CTDP1: variants seen among roughly 807,000 people sequenced by gnomAD.
CTDP1 encodes CTD phosphatase 1.
A neutral mutation model predicts 91.8 loss-of-function variants in CTDP1; 47 were observed. That is an observed-to-expected ratio of 0.51 (90% CI 0.41 to 0.65). The LOEUF (loss-of-function observed/expected upper bound fraction) is 0.65, where lower values mean the gene tolerates loss of function less well. Ranked by LOEUF, CTDP1 falls within the 30% of genes least tolerant of loss-of-function variation. The pLI, the probability that CTDP1 is intolerant of heterozygous loss-of-function variation, is 0.00. For synonymous variants in CTDP1, 656 were observed against 598.5 expected (o/e 1.10, Z -1.40); for missense variants, 1,272 against 1,373.7 (o/e 0.93, Z 1.17).
chr18:79,742,249 G>A (rs2122832175), intron 12 of CTDP1, among the ~76,000 whole-genome samples: 1 of 149,412 alleles, frequency 6.7e-6, no homozygotes. Flanking sequence ...GTGGAGAGAG[G>A]CCTGAGGGCA....
At chr18:79,690,285 G>A (rs1428704939) in intron 1 of CTDP1, among the ~76,000 whole-genome samples, 1 of 152,180 alleles carries the variant, frequency 6.6e-6, no homozygotes, top group African/African-American at 2.4e-5. Context: ...GAGCTGAGAG[G>A]CCAGAACCCC....
chr18:79,714,434 G>A (rs1374267553), intron 7 of CTDP1, 57 bp from the exon 8 acceptor site: 12 of 1,584,200 alleles, frequency 7.6e-6, no homozygotes, highest in South Asian at 3.3e-5. Context: ...AACTTGGAAC[G>A]TTATTTAATG....
chr18:79,679,164 C>T (rs981771408), upstream of CTDP1: 1 of 320,772 alleles, frequency 3.1e-6, no homozygotes, highest in South Asian at 2.3e-5. Flanking sequence ...GGCGCCTTGC[C>T]CCAGACGGGC....
intron 1 of CTDP1, among the ~76,000 whole-genome samples, chr18:79,681,248 A>G (rs1222952774): frequency 6.6e-6 from 1 of 152,140 alleles, no homozygotes; most frequent in Non-Finnish European, 1.5e-5. Flanking sequence ...CTTCCTTTGG[A>G]GACAGAGCCT....
At chr18:79,700,476 C>A (rs138183389) in intron 4 of CTDP1, among the ~76,000 whole-genome samples, 1,808 of 152,286 alleles carry the variant, frequency 0.012, 36 homozygotes, top group African/African-American at 0.041. Context: ...CACAACATTC[C>A]CTTAAGCCAA....
chr18:79,684,668 C>G (rs1776122589), intron 1 of CTDP1, among the ~76,000 whole-genome samples: 1 of 152,116 alleles, frequency 6.6e-6, no homozygotes, highest in Non-Finnish European at 1.5e-5. Flanking sequence ...TTGTTGTTAC[C>G]AGCAACATTT....
chr18:79,681,421 G>T, intron 1 of CTDP1: 1 of 978,756 alleles, frequency 1.0e-6, no homozygotes, highest in Non-Finnish European at 1.2e-6. Context: ...CAATGCTGGT[G>T]TATTCCCTGG....
At chr18:79,749,458 T>A (rs1227301112) in intron 12 of CTDP1, among the ~76,000 whole-genome samples, 2 of 151,112 alleles carry the variant, frequency 1.3e-5, no homozygotes, top group Non-Finnish European at 3.0e-5. Context: ...GAGCAAGGCA[T>A]CAGCACACAG....
intron 10 of CTDP1, among the ~76,000 whole-genome samples, chr18:79,723,186 C>G (rs1008739194): frequency 1.1e-4 from 17 of 152,058 alleles, no homozygotes; most frequent in Non-Finnish European, 1.8e-4. Context: ...TCCTGTCTCA[C>G]GGAGGGTCCC....
In CTDP1 at chr18:79,718,029, C is replaced by G. The variant is rs770239506; in HGVS notation, c.2417+13C>G. 6.8e-6 allele frequency: 11 copies of G among 1,612,448 alleles called. No individual in the cohort carries two copies. Among genetic ancestry groups the G allele is most frequent in the Non-Finnish European group, 8.5e-6 (10 of 1,179,738 alleles). ...CCTCTTCCTTCAGGTACGTGGCGGC[C>G]CAGCCACTGTCCCCAGCTAATGAGG... On this transcript the variant is annotated intron_variant, in intron 10 of 12. Transcript: ENST00000613122.
chr18:79,705,019 C>A, intron 5 of CTDP1, 102 bp downstream of exon 5: 1 of 1,547,556 alleles, frequency 6.5e-7, no homozygotes, highest in Non-Finnish European at 8.8e-7. Flanking sequence ...AGCTCTCCTG[C>A]AACTCAGTTG....
intron 12 of CTDP1, among the ~76,000 whole-genome samples, chr18:79,739,405 G>A (rs895047855): frequency 1.4e-5 from 2 of 144,190 alleles, no homozygotes; most frequent in Non-Finnish European, 3.1e-5. Flanking sequence ...GGTTTTTGTG[G>A]TTTTTTTTTT....
In CTDP1 at chr18:79,754,443, A is replaced by G. The variant is rs938481149; in HGVS notation, c.*653A>G. 5 of 153,184 alleles carry G rather than the reference A, an allele frequency of 3.3e-5. No homozygotes were observed. The highest frequency in any genetic ancestry group is 9.7e-5 in the African/African-American group (4 of 41,444). The allele number at this position is 153,184 out of a possible 1,614,324, so 9.5% of individuals were successfully genotyped here. On this transcript the variant is annotated 3_prime_UTR_variant, in exon 13 of 13. Transcript: ENST00000613122. ...GAGACACCTGATGTAAAGTTTCTGT[A>G]AATCTATTTCATATCTGACCCACCA...
At chr18:79,747,794 G>A (rs543788766) in intron 12 of CTDP1, among the ~76,000 whole-genome samples, 28 of 152,206 alleles carry the variant, frequency 1.8e-4, no homozygotes, top group South Asian at 1.2e-3. Flanking sequence ...TTTTGTTCCC[G>A]CGGCCACGCT....
chr18:79,698,094 G>C (rs1440667832), intron 4 of CTDP1, 106 bp downstream of exon 4: 3 of 1,505,576 alleles, frequency 2.0e-6, no homozygotes, highest in African/African-American at 1.4e-5. Context: ...CCGTAGGTCA[G>C]CCTGGGTTTG....
intron 12 of CTDP1, chr18:79,750,143 G>A (rs917459789): frequency 6.6e-6 from 1 of 152,252 alleles, no homozygotes; most frequent in Non-Finnish European, 1.5e-5. Flanking sequence ...TGCAGACGAG[G>A]TGTGCAGAGG....
chr18:79,715,187 TGGAGGAGGA>T lies in CTDP1; in HGVS notation c.1740_1748del (p.Glu580_Glu582del), dbSNP rs3833180. ...GCGGGTGAGTCCCTGGACCAGAGCATGGAGGAGGAGGAGGAGGAGGACACGGATGAGGAT... is the reference window on the plus strand; with the variant it reads ...GCGGGTGAGTCCCTGGACCAGAGCATGGAGGAGGAGGACACGGATGAGGAT... On this transcript the variant is annotated inframe_deletion, in exon 8 of 13. Transcript: ENST00000613122. The T allele has an allele frequency of 1.2e-6, 2 of 1,610,242 alleles. No homozygotes were observed. The highest frequency in any genetic ancestry group is 1.3e-5 in the African/African-American group (1 of 74,694).
chr18:79,735,156 C>T (rs898394454), intron 11 of CTDP1, among the ~76,000 whole-genome samples: 1 of 152,066 alleles, frequency 6.6e-6, no homozygotes, highest in Non-Finnish European at 1.5e-5. Context: ...TCGGCCTCGA[C>T]TGCTCCGAAC....
At chr18:79,753,622 G>A (rs1168764027) in intron 12 of CTDP1, 30 bp from the exon 13 acceptor site, 1 of 1,614,026 alleles carries the variant, frequency 6.2e-7, no homozygotes, top group Non-Finnish European at 8.5e-7. Context: ...TTTGCCACAA[G>A]CATCTCACAC....
Sources: gnomAD v4.1 joint callset for allele counts (sites outside exome capture counted in the v4.1 genomes callset) on GRCh38, gnomAD v4.1.1 for gene constraint, MANE v1.5 for transcripts, NCBI Gene and HGNC (gene_info 2026-07-23, HGNC 2026-07-21) for gene names.